MET: variants seen among roughly 807,000 people sequenced by gnomAD.
The protein encoded by MET is hepatocyte growth factor receptor.
Under a neutral mutation model 133.1 loss-of-function variants are expected in MET, and 48 were observed. The observed-to-expected ratio is 0.36, with a 90% confidence interval of 0.29 to 0.46. MET has a LOEUF of 0.46. Among genes scored for constraint, MET ranks in the 20% least tolerant of loss-of-function variants. The pLI is 1.00. For missense variants in MET, 1,442 were observed against 1,695.9 expected, an observed-to-expected ratio of 0.85 and a Z score of 2.63; for synonymous variants, 628 against 616.5, an observed-to-expected ratio of 1.02 and a Z score of -0.28.
intron 2 of MET, chr7:116,724,688 A>T (rs79272363): frequency 1.8e-6 from 1 of 546,004 alleles, no homozygotes; most frequent in South Asian, 1.5e-5. Flanking sequence ...CGGAAAAAAA[A>T]TCAGCAAGGG....
At chr7:116,677,920 T>C (rs890925095) in intron 1 of MET, among the ~76,000 whole-genome samples, 1 of 152,214 alleles carries the variant, frequency 6.6e-6, no homozygotes, top group African/African-American at 2.4e-5. Flanking sequence ...ATCAATTTCA[T>C]TTCCAAGTTC....
At position 116,716,448 on chromosome 7, in the gene MET, GAA is replaced by G. The variant is rs1792213369; in HGVS notation, c.1201-15216_1201-15215del. 4.5e-5 allele frequency among the ~76,000 whole-genome samples: 6 copies of G among 134,028 alleles called. No individual in the cohort carries two copies. In the South Asian group the frequency reaches 9.5e-4, roughly 21 times the overall value. 87.9% of individuals were successfully genotyped at this position (134,028 alleles called of 152,430 possible). A position where few individuals can be genotyped will look rare whatever the true frequency, so the allele number is the denominator to read the frequency against. On this transcript the variant is annotated intron_variant, in intron 2 of 20. Coordinates refer to ENST00000397752, the MANE Select transcript of MET (RefSeq NM_000245.4). ...GGAAGGAAAGAAAGAAGGAAAGAAAGAAAAAGAAAAGAAAGAAAGAGAAAGAA... is the reference window on the plus strand; with the variant it reads ...GGAAGGAAAGAAAGAAGGAAAGAAAGAAAGAAAAGAAAGAAAGAGAAAGAA...
intron 14 of MET, 47 bp downstream of exon 14, chr7:116,772,036 A>G (rs2116998895): frequency 6.2e-7 from 1 of 1,601,326 alleles, no homozygotes; most frequent in Non-Finnish European, 8.5e-7. Flanking sequence ...CATATACCTC[A>G]GTGGGTTGTG....
At chr7:116,707,642 T>C (rs1191833507) in intron 2 of MET, among the ~76,000 whole-genome samples, 6 of 152,142 alleles carry the variant, frequency 3.9e-5, no homozygotes, top group African/African-American at 1.4e-4. Context: ...TAGCAACCAG[T>C]CTACTAACTA....
chr7:116,782,754 C>T (rs1056473248), intron 18 of MET, among the ~76,000 whole-genome samples: 3 of 152,182 alleles, frequency 2.0e-5, no homozygotes, highest in African/African-American at 7.2e-5. Context: ...CCCCAGATAG[C>T]GGAAATTGAT....
intron 15 of MET, among the ~76,000 whole-genome samples, chr7:116,776,664 G>A (rs1219154876): frequency 1.3e-5 from 2 of 152,192 alleles, no homozygotes; most frequent in African/African-American, 4.8e-5. Context: ...CACTCATGGT[G>A]TCTTGGCCAG....
intron 2 of MET, among the ~76,000 whole-genome samples, chr7:116,707,267 GAACAGTATAACTATAA>G (rs1311050999): frequency 3.3e-5 from 5 of 151,866 alleles, no homozygotes; most frequent in African/African-American, 1.2e-4. Flanking sequence ...AATGATTTAT[GAACAGTATAACTATAA>G]AACAAACAAA....
At chr7:116,709,517 C>T (rs746016639) in intron 2 of MET, among the ~76,000 whole-genome samples, 1 of 152,110 alleles carries the variant, frequency 6.6e-6, no homozygotes, top group Non-Finnish European at 1.5e-5. Flanking sequence ...ATGTGTGAGG[C>T]ATCAAAAGAA....
At chr7:116,735,817 C>G (rs1467400378) in intron 3 of MET, among the ~76,000 whole-genome samples, 3 of 143,190 alleles carry the variant, frequency 2.1e-5, no homozygotes, top group African/African-American at 7.8e-5. Flanking sequence ...CGCTCTGTTG[C>G]CCAGGCTGGA....
rs2116910408 is a variant in MET, at chr7:116,755,470, G to T, written c.1817G>T (p.Gly606Val). ...TTAAAGAAAACTAGAGTTCTCCTTG[G>T]AAATGAGAGCTGCACCTTGACTTTA... The part of the protein sequence containing the change: ...FDLKKTRVLL[G>V]NESCTLTLSE... The change falls in exon 6 of 21, where the codon GGA (glycine) becomes GTA (valine). Residue 606 changes from glycine to valine, a missense_variant. Gly to Val is a moderately radical substitution (Grantham distance 109). Around this residue, in one of 6 missense-constraint regions of MET, gnomAD observed 762 missense variants for 792.4 expected, o/e 0.96. Transcript: ENST00000397752. 1 of 1,614,104 alleles carries T rather than the reference G, an allele frequency of 6.2e-7. No individual in the cohort carries two copies. Among genetic ancestry groups the T allele is most frequent in the African/African-American group, 1.3e-5 (1 of 75,038 alleles).
chr7:116,697,807 C>T (rs1356928659), intron 1 of MET, among the ~76,000 whole-genome samples: 1 of 152,112 alleles, frequency 6.6e-6, no homozygotes, highest in Non-Finnish European at 1.5e-5. Flanking sequence ...TCCCTTGATA[C>T]TTGTAGCTTT....
chr7:116,780,991 A>C (rs1795138696), intron 17 of MET, among the ~76,000 whole-genome samples: 1 of 152,232 alleles, frequency 6.6e-6, no homozygotes, highest in Admixed American at 6.5e-5. Flanking sequence ...GCTTGCCTTC[A>C]AAGCATACCT....
At chr7:116,722,084 G>A (rs1219975946) in intron 2 of MET, among the ~76,000 whole-genome samples, 1 of 150,584 alleles carries the variant, frequency 6.6e-6, no homozygotes, top group Non-Finnish European at 1.5e-5. Flanking sequence ...TGACAGTGGG[G>A]TGTTAAAGTC....
intron 11 of MET, among the ~76,000 whole-genome samples, chr7:116,769,008 A>G (rs1794738603): frequency 6.6e-6 from 1 of 152,226 alleles, no homozygotes; most frequent in African/African-American, 2.4e-5. Flanking sequence ...ATAGTCATAC[A>G]GCATCTCACA....
intron 1 of MET, among the ~76,000 whole-genome samples, chr7:116,693,549 C>T (rs1028312735): frequency 3.9e-5 from 6 of 152,190 alleles, no homozygotes; most frequent in Non-Finnish European, 7.3e-5. Flanking sequence ...AACCTAGGCC[C>T]TCTCCAGTGT....
intron 1 of MET, among the ~76,000 whole-genome samples, chr7:116,675,987 A>G (rs1378947517): frequency 6.6e-6 from 1 of 152,240 alleles, no homozygotes; most frequent in Non-Finnish European, 1.5e-5. Flanking sequence ...AAAAACATCC[A>G]GTAAAATCTG....
chr7:116,681,416 T>C (rs778914669), intron 1 of MET, among the ~76,000 whole-genome samples: 2 of 152,216 alleles, frequency 1.3e-5, no homozygotes, highest in Non-Finnish European at 2.9e-5. Flanking sequence ...CCAAAAGTTA[T>C]GGCCCTAAAA....
At chr7:116,717,177 C>T (rs896689895) in intron 2 of MET, among the ~76,000 whole-genome samples, 1 of 152,170 alleles carries the variant, frequency 6.6e-6, no homozygotes, top group African/African-American at 2.4e-5. Context: ...ACAGCCTGGC[C>T]GTGCATTAAG....
At chr7:116,749,180 C>A (rs1014488051) in intron 5 of MET, among the ~76,000 whole-genome samples, 15 of 152,142 alleles carry the variant, frequency 9.9e-5, no homozygotes, top group African/African-American at 3.6e-4. Context: ...GGCCAATATC[C>A]CTGATGAACA....
Sources: allele counts gnomAD v4.1 joint callset (sites outside exome capture counted in the v4.1 genomes callset), GRCh38; gene constraint gnomAD v4.1.1; regional missense constraint gnomAD v4.1.1; transcripts MANE v1.5; gene names NCBI Gene and HGNC (gene_info 2026-07-23, HGNC 2026-07-21).